The following SPEN variants were observed in gnomAD, a reference collection of about 807,000 sequenced individuals.
SPEN encodes the protein spen family transcriptional repressor.
In SPEN, 18 loss-of-function variants were observed where a neutral mutation model predicts 269.9. The observed-to-expected ratio is 0.07, with a 90% confidence interval of 0.05 to 0.10. The LOEUF is 0.10. Ranked by LOEUF, SPEN falls within the 10% of genes least tolerant of loss-of-function variation. The pLI is 1.00. For missense variants in SPEN, 3,822 were observed against 4,631.2 expected (o/e 0.83, Z 5.07); for synonymous variants, 1,726 against 1,765.7 (o/e 0.98, Z 0.56).
At chr1:15,903,044 A>G (rs778294354) in intron 3 of SPEN, among the ~76,000 whole-genome samples, 1 of 152,198 alleles carries the variant, frequency 6.6e-6, no homozygotes, top group Non-Finnish European at 1.5e-5. Context: ...CAGTAACTGG[A>G]TGTCACTCTT....
At chr1:15,868,712 G>T (rs1209888619) in intron 1 of SPEN, among the ~76,000 whole-genome samples, 1 of 152,196 alleles carries the variant, frequency 6.6e-6, no homozygotes, top group Non-Finnish European at 1.5e-5. Flanking sequence ...GGGATTACAG[G>T]CGTGAGCCAC....
chr1:15,880,322 CAT>C (rs1180187426), intron 3 of SPEN, among the ~76,000 whole-genome samples: 1 of 151,726 alleles, frequency 6.6e-6, no homozygotes, highest in African/African-American at 2.4e-5. Flanking sequence ...CATATATAGT[CAT>C]ATTTTCTAGA....
At position 15,939,688 on chromosome 1, in the gene SPEN, C is replaced by G. The variant is rs535330447; in HGVS notation, c.*261C>G. On this transcript the variant is annotated 3_prime_UTR_variant, in exon 15 of 15. Transcript: ENST00000375759. The surrounding 1 kb of genome is among the most constrained non-coding windows in gnomAD (Gnocchi z 4.1). ...ACTCGCAGACACCGGGGCTGGGTTT[C>G]TCTTTCCTCTTTTTGGAGAAAAGGA... 1.0e-4 allele frequency: 35 copies of G among 344,780 alleles called. 1 individual carries two copies. In the South Asian group the frequency reaches 4.8e-3, roughly 47 times the overall value. The allele number at this position is 344,780 out of a possible 1,614,324, so 21.4% of individuals were successfully genotyped here.
At chr1:15,898,145 A>G (rs966343156) in intron 3 of SPEN, among the ~76,000 whole-genome samples, 3 of 147,784 alleles carry the variant, frequency 2.0e-5, no homozygotes, top group African/African-American at 7.6e-5. Context: ...GTGACCACTA[A>G]CTTTGTATTT....
intron 1 of SPEN, among the ~76,000 whole-genome samples, chr1:15,866,771 TATC>T (rs1226866414): frequency 1.3e-5 from 2 of 152,224 alleles, no homozygotes; most frequent in Non-Finnish European, 2.9e-5. Context: ...AGATTTTGAC[TATC>T]ATCAGCACCT....
At chr1:15,852,882 CGACT>C (rs1557731673) in intron 1 of SPEN, among the ~76,000 whole-genome samples, 1 of 152,176 alleles carries the variant, frequency 6.6e-6, no homozygotes, top group African/African-American at 2.4e-5. Flanking sequence ...TTTTATTAAT[CGACT>C]GACTGATTGA....
chr1:15,850,773 C>A (rs2070328098), intron 1 of SPEN, among the ~76,000 whole-genome samples: 1 of 152,086 alleles, frequency 6.6e-6, no homozygotes. Flanking sequence ...GTAGTTGTAC[C>A]AGAACGATGG....
chr1:15,856,399 A>T (rs1235485113), intron 1 of SPEN, among the ~76,000 whole-genome samples: 1 of 152,034 alleles, frequency 6.6e-6, no homozygotes, highest in African/African-American at 2.4e-5. Flanking sequence ...CTGGGATCTA[A>T]TATTTCCTTC....
chr1:15,936,438 C>T (rs111466605), intron 11 of SPEN, among the ~76,000 whole-genome samples, 172 bp downstream of exon 11: 5,245 of 151,230 alleles, frequency 0.035, 296 homozygotes, highest in African/African-American at 0.12. Flanking sequence ...CCCGGGAGTT[C>T]GAGACCAGCC....
intron 3 of SPEN, among the ~76,000 whole-genome samples, chr1:15,895,902 T>C (rs2070837468): frequency 1.3e-5 from 2 of 152,024 alleles, no homozygotes; most frequent in Admixed American, 6.6e-5. Context: ...CAGGCTAGTC[T>C]TGAACTCCTG....
At chr1:15,900,829 C>CT in intron 3 of SPEN, among the ~76,000 whole-genome samples, 1 of 152,222 alleles carries the variant, frequency 6.6e-6, no homozygotes, top group Non-Finnish European at 1.5e-5. Context: ...TTTGTTGGGA[C>CT]TTTCCTGTGC....
In SPEN at chr1:15,858,481, A is replaced by G. The variant is rs116637600; in HGVS notation, c.83+10331A>G. Among the ~76,000 whole-genome samples, 723 of 152,246 alleles carry G rather than the reference A, an allele frequency of 4.7e-3. 9 individuals are homozygous for G. Among genetic ancestry groups the G allele is most frequent in the African/African-American group, 0.016 (685 of 41,536 alleles). ...AAATCAGAATTGATACAACACTACC[A>G]CCCAATGCATAGCCTAGGTGTATAG... On this transcript the variant is annotated intron_variant, in intron 1 of 14. Coordinates refer to ENST00000375759, the MANE Select transcript of SPEN (RefSeq NM_015001.3).
At chr1:15,912,334 A>T (rs2071019915) in intron 5 of SPEN, among the ~76,000 whole-genome samples, 2 of 152,328 alleles carry the variant, frequency 1.3e-5, no homozygotes, top group South Asian at 4.1e-4. Flanking sequence ...CCCTGATTTA[A>T]CAGAACTTGT....
intron 1 of SPEN, among the ~76,000 whole-genome samples, chr1:15,870,864 A>G (rs978279878): frequency 5.3e-5 from 8 of 152,226 alleles, no homozygotes; most frequent in Non-Finnish European, 8.8e-5. Flanking sequence ...GATGAAAACA[A>G]TTTTAGAATG....
chr1:15,880,659 A>C (rs2070678738), intron 3 of SPEN, among the ~76,000 whole-genome samples: 1 of 151,660 alleles, frequency 6.6e-6, no homozygotes, highest in South Asian at 2.1e-4. Flanking sequence ...GTTTCACTAC[A>C]TTGGCTAGGC....
chr1:15,937,024 A>G lies in SPEN; in HGVS notation c.10027-139A>G, dbSNP rs2071281731. On this transcript the variant is annotated intron_variant, in intron 11 of 14. Transcript: ENST00000375759. This position sits in a 1 kb window ranked among gnomAD's most constrained non-coding sequence, Gnocchi z 5.7. ...ACCCCGAAAGCAGCTCCGTTGATTC[A>G]GGCTCCTTCTGTGGGCCTGACTTAA... is the stretch of plus-strand genomic sequence containing the variant. 3.6e-5 allele frequency: 46 copies of G among 1,292,824 alleles called. No individual in the cohort carries two copies. The South Asian group carries it at 6.5e-4, about 18-fold the overall frequency. 80.1% of individuals were successfully genotyped at this position (1,292,824 alleles called of 1,614,324 possible).
chr1:15,937,235 C>A lies in SPEN; in HGVS notation c.10099C>A (p.Pro3367Thr). The A allele has an allele frequency of 6.2e-7, 1 of 1,613,848 alleles. No homozygotes were observed. Among genetic ancestry groups the A allele is most frequent in the South Asian group, 1.1e-5 (1 of 91,072 alleles). ...GTCCACACAGCCTGCCCAGCCTGCA[C>A]CACCCTGCCCGCCCTCCCAGCTCGG... is the stretch of plus-strand genomic sequence containing the variant. ...VQSTQPAQPA[P>T]PCPPSQLGQP... Residue 3367 changes from proline to threonine, a missense_variant, in exon 12 of 15, where the codon CCA (proline) becomes ACA (threonine). Around this residue, in one of 16 missense-constraint regions of SPEN, gnomAD observed 359 missense variants for 377.3 expected, o/e 0.95. Transcript: ENST00000375759. The surrounding 1 kb of genome is among the most constrained non-coding windows in gnomAD (Gnocchi z 5.7).
rs150430722 is a variant in SPEN, at chr1:15,861,346, C to G, written c.84-11470C>G. Among the ~76,000 whole-genome samples the G allele has an allele frequency of 6.4e-3, 979 of 151,946 alleles. 8 individuals carry two copies. The highest frequency in any genetic ancestry group is 0.02 in the Middle Eastern group (6 of 294). On this transcript the variant is annotated intron_variant, in intron 1 of 14. Coordinates refer to ENST00000375759, the MANE Select transcript of SPEN (RefSeq NM_015001.3). ...GGGGTTTCAGTATGTTGGCCAGGCT[C>G]GTCTCGAACTCCTGACCTCATGATC...
chr1:15,894,831 C>A (rs1211118667), intron 3 of SPEN, among the ~76,000 whole-genome samples: 1 of 151,810 alleles, frequency 6.6e-6, no homozygotes, highest in Non-Finnish European at 1.5e-5. Context: ...CCGCGCCCGG[C>A]CCATATTGTA....
Sources: allele counts gnomAD v4.1 joint callset (sites outside exome capture counted in the v4.1 genomes callset), GRCh38; gene constraint gnomAD v4.1.1; regional missense constraint gnomAD v4.1.1; non-coding constraint Gnocchi (gnomAD v3.1); transcripts MANE v1.5; gene names NCBI Gene and HGNC (gene_info 2026-07-23, HGNC 2026-07-21).